Variants in SIGIRR observed in about 807,000 individuals in gnomAD.
The protein encoded by SIGIRR is single Ig IL-1-related receptor.
In SIGIRR, 41 loss-of-function variants were observed where a neutral mutation model predicts 45.6. The ratio of observed to expected loss-of-function variants is 0.90; its 90% CI spans 0.70 to 1.17. The LOEUF (loss-of-function observed/expected upper bound fraction) is 1.17. Ranked by LOEUF, SIGIRR falls within the 50% of genes most tolerant of loss-of-function variation. SIGIRR has a pLI of 0.00. For missense variants in SIGIRR, 599 were observed against 539.6 expected (o/e 1.11, Z -1.09); for synonymous variants, 298 against 239.0 (o/e 1.25, Z -2.28).
chr11:411,602 G>T (rs1284266338), intron 1 of SIGIRR, among the ~76,000 whole-genome samples: 1 of 129,440 alleles, frequency 7.7e-6, no homozygotes, highest in East Asian at 2.2e-4. Flanking sequence ...AGTCGGCGGG[G>T]GGTGCCCAGC....
chr11:415,207 CGTGTGTGTGTGTGT>C (rs71022908), upstream of SIGIRR, among the ~76,000 whole-genome samples: 67,675 of 144,390 alleles, frequency 0.47, 16,661 homozygotes, highest in Non-Finnish European at 0.55. The surrounding 1 kb of genome is among the most constrained non-coding windows in gnomAD (Gnocchi z 6.6). Context: ...CTCTGTGCAG[CGTGTGTGTGTGTGT>C]GTGTGTGTGT....
Position 408,770 on chromosome 11 carries a change from A to T in SIGIRR, c.131T>A (p.Leu44Gln). 6.2e-7 allele frequency: 1 copy of T among 1,612,796 alleles called. No homozygotes were observed. Residue 44 changes from leucine (L) to glutamine (Q), a missense_variant, in exon 3 of 10, where the codon CTG (leucine) becomes CAG (glutamine). Coordinates refer to ENST00000431843, the MANE Select transcript of SIGIRR (RefSeq NM_001135054.2). ...AWVVSGPHCSLPSVQWLKDGL... is the reference protein window; with the variant it reads ...AWVVSGPHCSQPSVQWLKDGL... ...GTCTTTCAGCCACTGGACTGAAGGC[A>T]GGGAGCAGTGGGGCCCAGAGACTAC...
intron 2 of SIGIRR, 192 bp downstream of exon 2, chr11:409,676 G>C: frequency 2.0e-6 from 1 of 512,064 alleles, no homozygotes; most frequent in Non-Finnish European, 3.2e-6. Context: ...AGGGTGCAGG[G>C]CTCATCCTCA....
chr11:410,398 G>A (rs1389831433), intron 1 of SIGIRR, among the ~76,000 whole-genome samples: 2 of 152,178 alleles, frequency 1.3e-5, no homozygotes, highest in Admixed American at 6.5e-5. Flanking sequence ...AGGGGGTGCT[G>A]CAGTGCCAGA....
intron 2 of SIGIRR, chr11:409,132 G>A: frequency 3.5e-6 from 2 of 573,406 alleles, no homozygotes; most frequent in Non-Finnish European, 6.3e-6. Flanking sequence ...GGCCACAGTT[G>A]AGCTGCCCCA....
chr11:413,065 CACTG>C (rs746333654), intron 1 of SIGIRR, among the ~76,000 whole-genome samples: 6 of 152,282 alleles, frequency 3.9e-5, no homozygotes, highest in African/African-American at 7.2e-5. Context: ...ATCCAACAGG[CACTG>C]ACTGTCTACT....
intron 1 of SIGIRR, among the ~76,000 whole-genome samples, chr11:412,405 G>A (rs1250089384): frequency 3.8e-5 from 1 of 26,318 alleles, no homozygotes; most frequent in African/African-American, 1.6e-4. Context: ...GGATGCAGTC[G>A]GGGGGTGCCC....
rs778609327 is a variant in SIGIRR at position 407,937 on chromosome 11, C to G, written c.361G>C (p.Ala121Pro). 5.0e-6 allele frequency: 8 copies of G among 1,610,162 alleles called. No individual in the cohort carries two copies. In the Admixed American group the frequency reaches 1.2e-4, roughly 24 times the overall value. Residue 121 changes from alanine to proline, a missense_variant, in exon 5 of 10, where the codon GCG becomes CCG. Transcript: ENST00000431843. ...QRAGPTSHVAAVLASLLVLLA... is the reference protein window; with the variant it reads ...QRAGPTSHVAPVLASLLVLLA... ...AGGACCAGGAGGGAGGCCAGCACCG[C>G]AGCCACGTGGCTTGTAGGGCCTGCG... is the stretch of plus-strand genomic sequence containing the variant.
intron 3 of SIGIRR, 23 bp downstream of exon 3, chr11:408,672 C>T (rs1564890325): frequency 1.2e-6 from 2 of 1,612,086 alleles, no homozygotes; most frequent in Non-Finnish European, 1.7e-6. Flanking sequence ...GTCACTCTGA[C>T]CCTGGATACC....
chr11:407,226 T>TCAGGGGCGGCGCCGGACGCA (rs1201167050), intron 6 of SIGIRR, 62 bp from the exon 7 acceptor site: 1 of 712,728 alleles, frequency 1.4e-6, no homozygotes, highest in African/African-American at 2.3e-5. Flanking sequence ...GGCCGGAGGC[T>TCAGGGGCGGCGCCGGACGCA]CAGGGGCGGT....
At chr11:409,693 G>T in intron 2 of SIGIRR, 175 bp downstream of exon 2, 2 of 596,414 alleles carry the variant, frequency 3.4e-6, no homozygotes, top group South Asian at 4.7e-5. Context: ...CTCACCACTC[G>T]CCCTGGTTTC....
At chr11:412,133 G>T (rs1847668590) in intron 1 of SIGIRR, among the ~76,000 whole-genome samples, 1 of 31,446 alleles carries the variant, frequency 3.2e-5, no homozygotes, top group African/African-American at 1.2e-4. Flanking sequence ...GTCGGGGGGA[G>T]GTGCCCAGCT....
At position 407,723 on chromosome 11, in the gene SIGIRR, C is replaced by T. The variant is rs917900480; in HGVS notation, c.481+94G>A. 34 of 1,577,652 alleles carry T rather than the reference C, an allele frequency of 2.2e-5. No homozygotes were observed. Among genetic ancestry groups the T allele is most frequent in the Non-Finnish European group, 2.8e-5 (33 of 1,162,024 alleles). ...CGCACAGAGCACCCGGGGGCTAACC[C>T]CTCCCCGCCGCACGCCTCCAAAGCC... is the stretch of plus-strand genomic sequence containing the variant. On this transcript the variant is annotated intron_variant, in intron 5 of 9. Coordinates refer to ENST00000431843, the MANE Select transcript of SIGIRR (RefSeq NM_001135054.2).
chr11:410,256 A>T (rs111419204), intron 1 of SIGIRR, among the ~76,000 whole-genome samples: 2,686 of 152,122 alleles, frequency 0.018, 88 homozygotes, highest in African/African-American at 0.061. Context: ...CAAGTCCAGG[A>T]TCACCTCCAC....
At chr11:414,224 C>T (rs544828764) in intron 1 of SIGIRR, among the ~76,000 whole-genome samples, 2 of 106,810 alleles carry the variant, frequency 1.9e-5, no homozygotes, top group Admixed American at 9.0e-5. Flanking sequence ...CCTTCCCCTG[C>T]ACCCTCTCCC....
upstream of SIGIRR, among the ~76,000 whole-genome samples, chr11:415,628 G>A (rs1023540029): frequency 6.6e-6 from 1 of 152,226 alleles, no homozygotes; most frequent in Non-Finnish European, 1.5e-5. The surrounding 1 kb of genome is among the most constrained non-coding windows in gnomAD (Gnocchi z 6.6). Context: ...CCCCCGATGG[G>A]TGAGCAGTTA....
In SIGIRR at chr11:407,421, A is replaced by T. The variant is rs1847390119; in HGVS notation, c.625+4T>A. 6.5e-7 allele frequency: 1 copy of T among 1,542,250 alleles called. No individual in the cohort carries two copies. Among genetic ancestry groups the T allele is most frequent in the Admixed American group, 2.0e-5 (1 of 50,790 alleles). ...GGCGGGGCACGGGGTGGGGCCCGGG[A>T]TACCAGCGCGCGGCAGGAGGTCGCG... On this transcript the variant is annotated splice_donor_region_variant and intron_variant, in intron 6 of 9. Coordinates refer to ENST00000431843, the MANE Select transcript of SIGIRR (RefSeq NM_001135054.2).
At chr11:409,444 C>T in intron 2 of SIGIRR, 2 of 263,834 alleles carry the variant, frequency 7.6e-6, no homozygotes, top group South Asian at 1.3e-4. Context: ...GGGCCCTCTG[C>T]TCCTGGCCAC....
rs112731199 is a variant in SIGIRR, at chr11:406,954, G to A, written c.768C>T (p.Pro256=). Residue 256 remains proline (P), a synonymous_variant, in exon 8 of 10, where the codon CCC becomes CCT. Coordinates refer to ENST00000431843, the MANE Select transcript of SIGIRR (RefSeq NM_001135054.2). The part of the protein sequence containing the change: ...LCRLLELTRR[P]IFITFEGQRR... ...TCTGGCCCTCGAAGGTGATGAAGAT[G>A]GGTCTGCGGGTGAGCTCCAGCAGCC... The A allele has an allele frequency of 0.021, 34,124 of 1,601,698 alleles. 549 individuals carry two copies. The highest frequency in any genetic ancestry group is 0.056 in the African/African-American group (4,211 of 74,730).
Sources: allele counts gnomAD v4.1 joint callset (sites outside exome capture counted in the v4.1 genomes callset), GRCh38; gene constraint gnomAD v4.1.1; non-coding constraint Gnocchi (gnomAD v3.1); transcripts MANE v1.5; gene names NCBI Gene and HGNC (gene_info 2026-07-23, HGNC 2026-07-21).